Variants in PTPRD observed in about 807,000 individuals in gnomAD.
PTPRD encodes protein tyrosine phosphatase receptor type D.
In PTPRD, 34 loss-of-function variants were observed where a neutral mutation model predicts 214.5. The ratio of observed to expected loss-of-function variants is 0.16; its 90% CI spans 0.12 to 0.21. The LOEUF (loss-of-function observed/expected upper bound fraction) is 0.21. PTPRD is among the 10% of genes least tolerant of loss of function. PTPRD has a pLI of 1.00. For missense variants in PTPRD, 2,545 were observed against 2,398.7 expected (o/e 1.06, Z -1.27); for synonymous variants, 1,128 against 845.7 (o/e 1.33, Z -5.79).
At chr9:9,591,562 G>A (rs187712810) in intron 7 of PTPRD, among the ~76,000 whole-genome samples, 27 of 152,110 alleles carry the variant, frequency 1.8e-4, no homozygotes, top group Admixed American at 4.6e-4. Context: ...CAAAGCACTA[G>A]GTCTGTCACA....
intron 2 of PTPRD, among the ~76,000 whole-genome samples, chr9:10,409,512 T>G (rs1333746227): frequency 6.6e-6 from 1 of 151,718 alleles, no homozygotes. Flanking sequence ...TCACCAATAT[T>G]TAAGGCTAAA....
chr9:9,153,323 T>A (rs1569555018), intron 10 of PTPRD, among the ~76,000 whole-genome samples: 2 of 152,328 alleles, frequency 1.3e-5, no homozygotes, highest in Middle Eastern at 3.4e-3. Context: ...TTAGCCAAGA[T>A]GGAATCAGCT....
At chr9:8,950,975 A>G (rs1440272009) in intron 11 of PTPRD, among the ~76,000 whole-genome samples, 2 of 152,136 alleles carry the variant, frequency 1.3e-5, no homozygotes, top group African/African-American at 4.8e-5. Flanking sequence ...ACGTTTTGAT[A>G]GTTGAATCCT....
At chr9:10,242,595 C>T (rs375396970) in intron 3 of PTPRD, among the ~76,000 whole-genome samples, 4 of 136,964 alleles carry the variant, frequency 2.9e-5, no homozygotes, top group Non-Finnish European at 6.2e-5. Flanking sequence ...GTGTTAGAGG[C>T]AGGCATTGAA....
chr9:9,655,073 G>A (rs538466709), intron 7 of PTPRD, among the ~76,000 whole-genome samples: 6 of 152,012 alleles, frequency 3.9e-5, no homozygotes, highest in Non-Finnish European at 2.9e-5. Context: ...TTGAGAAAGA[G>A]AATATATTTA....
At chr9:10,304,917 T>C (rs1013369988) in intron 3 of PTPRD, among the ~76,000 whole-genome samples, 41 of 152,246 alleles carry the variant, frequency 2.7e-4, no homozygotes, top group Middle Eastern at 3.4e-3. Flanking sequence ...ACTTTAAAGT[T>C]CATATGGAAC....
intron 11 of PTPRD, among the ~76,000 whole-genome samples, chr9:8,950,392 G>A (rs749812445): frequency 2.0e-5 from 3 of 151,928 alleles, no homozygotes; most frequent in South Asian, 2.1e-4. Context: ...AGGAACATAT[G>A]GAGAAGGGTA....
chr9:8,729,742 A>C (rs2098634337), intron 12 of PTPRD, among the ~76,000 whole-genome samples: 1 of 152,258 alleles, frequency 6.6e-6, no homozygotes, highest in African/African-American at 2.4e-5. Context: ...ACCAAATCAC[A>C]GCCAGACTTC....
At chr9:9,672,292 T>G (rs866595204) in intron 7 of PTPRD, among the ~76,000 whole-genome samples, 9 of 152,146 alleles carry the variant, frequency 5.9e-5, no homozygotes, top group Admixed American at 4.6e-4. Context: ...AAAATATTGA[T>G]GTATGGTTTA....
chr9:9,128,931 A>G (rs2099838320), intron 10 of PTPRD, among the ~76,000 whole-genome samples: 1 of 152,240 alleles, frequency 6.6e-6, no homozygotes, highest in Non-Finnish European at 1.5e-5. Context: ...TCTCATTCCA[A>G]ATGGACTTAT....
intron 2 of PTPRD, among the ~76,000 whole-genome samples, chr9:10,459,119 G>T (rs1483270762): frequency 2.0e-5 from 3 of 152,002 alleles, no homozygotes; most frequent in African/African-American, 7.2e-5. Flanking sequence ...TCATCGTTCA[G>T]CTCCCACTCA....
chr9:9,594,758 T>C (rs1309247034), intron 7 of PTPRD, among the ~76,000 whole-genome samples: 4 of 152,090 alleles, frequency 2.6e-5, no homozygotes, highest in Non-Finnish European at 5.9e-5. Context: ...GTCGGCTTTT[T>C]GCACAGCAAA....
intron 5 of PTPRD, among the ~76,000 whole-genome samples, chr9:9,804,441 G>C (rs1345549382): frequency 6.6e-6 from 1 of 152,118 alleles, no homozygotes; most frequent in Non-Finnish European, 1.5e-5. Flanking sequence ...GTGAATTTAT[G>C]AATGTGTTCT....
At chr9:9,065,229 G>A (rs551188911) in intron 10 of PTPRD, among the ~76,000 whole-genome samples, 7 of 152,276 alleles carry the variant, frequency 4.6e-5, no homozygotes, top group African/African-American at 1.4e-4. Flanking sequence ...ATAAGGATAG[G>A]GTGAAAAGGG....
intron 4 of PTPRD, among the ~76,000 whole-genome samples, chr9:9,961,613 C>A (rs926327200): frequency 1.3e-5 from 2 of 152,064 alleles, no homozygotes. Context: ...ACAGTGATTA[C>A]TTGACTGCCA....
intron 10 of PTPRD, among the ~76,000 whole-genome samples, chr9:9,120,758 C>A (rs904185092): frequency 6.6e-6 from 1 of 152,070 alleles, no homozygotes; most frequent in Non-Finnish European, 1.5e-5. Flanking sequence ...TTTATATAGC[C>A]AAATTTGGGA....
chr9:8,423,935 A>G (rs1207050859), intron 35 of PTPRD, among the ~76,000 whole-genome samples: 5 of 152,284 alleles, frequency 3.3e-5, no homozygotes, highest in Middle Eastern at 3.4e-3. Context: ...CAACTAATCA[A>G]ATATATTTTT....
intron 3 of PTPRD, among the ~76,000 whole-genome samples, chr9:10,113,648 GTGCCTCCAGAACATTTTTA>G (rs2098708847): frequency 6.6e-6 from 1 of 152,126 alleles, no homozygotes; most frequent in Non-Finnish European, 1.5e-5. Context: ...CTGTTTACAA[GTGCCTCCAGAACATTTTTA>G]TTATCAGTTA....
chr9:8,757,293 A>T (rs1244600809), intron 11 of PTPRD, among the ~76,000 whole-genome samples: 1 of 152,242 alleles, frequency 6.6e-6, no homozygotes, highest in South Asian at 2.1e-4. Context: ...GTGAACAATT[A>T]GAAAAGCACG....
Sources: allele counts gnomAD v4.1 joint callset (sites outside exome capture counted in the v4.1 genomes callset), GRCh38; gene constraint gnomAD v4.1.1; transcripts MANE v1.5; gene names NCBI Gene and HGNC (gene_info 2026-07-23, HGNC 2026-07-21).